Variants in PITPNC1 observed in about 807,000 individuals in gnomAD.
PITPNC1 encodes the protein phosphatidylinositol transfer protein cytoplasmic 1, also known as cytoplasmic phosphatidylinositol transfer protein 1.
In PITPNC1, 18 loss-of-function variants were observed where a neutral mutation model predicts 44.7. The ratio of observed to expected loss-of-function variants is 0.40; its 90% CI spans 0.28 to 0.60. PITPNC1 has a LOEUF of 0.60. Among genes scored for constraint, PITPNC1 ranks in the 20% least tolerant of loss-of-function variants. The pLI, the probability that PITPNC1 is intolerant of heterozygous loss-of-function variation, is 0.39. For missense variants in PITPNC1, 290 were observed against 418.4 expected (o/e 0.69, Z 2.68); for synonymous variants, 141 against 149.6 (o/e 0.94, Z 0.42).
rs867458398 is a variant in PITPNC1 at position 67,436,911 on chromosome 17, T to A, written c.48+58709T>A. 1.7e-5 allele frequency among the ~76,000 whole-genome samples: 2 copies of A among 115,642 alleles called. 1 individual carries two copies. The highest frequency in any genetic ancestry group is 1.7e-4 in the Admixed American group (2 of 12,056). 75.9% of individuals were successfully genotyped at this position (115,642 alleles called of 152,430 possible). On this transcript the variant is annotated intron_variant, in intron 1 of 8. Coordinates refer to ENST00000581322, the MANE Select transcript of PITPNC1 (RefSeq NM_012417.4). ...GATTGTATTTGAAAATAGGGGTGTT[T>A]TTTTTTTTTTTTTTTTTTTTTTTTT...
intron 5 of PITPNC1, among the ~76,000 whole-genome samples, chr17:67,583,629 C>A (rs183704900): frequency 6.7e-6 from 1 of 150,246 alleles, no homozygotes; most frequent in East Asian, 2.0e-4. Flanking sequence ...TTAGCCATCA[C>A]TGATGCTGCT....
chr17:67,647,463 G>GTTTTTTTTTTTTTTTTTTT (rs1567757487), intron 6 of PITPNC1, among the ~76,000 whole-genome samples: 7 of 90,598 alleles, frequency 7.7e-5, no homozygotes, highest in African/African-American at 3.5e-4. Flanking sequence ...GCTAATTTTG[G>GTTTTTTTTTTTTTTTTTTT]GTTTTTTTTT....
chr17:67,527,210 G>A lies in PITPNC1; in HGVS notation c.49-5592G>A, dbSNP rs75230287. ...CCCTCCCCTCTTTTTAAATCATCAC[G>A]AGGCCTAGATTTTTAAAGCATTTAA... On this transcript the variant is annotated intron_variant, in intron 1 of 8. Coordinates refer to ENST00000581322, the MANE Select transcript of PITPNC1 (RefSeq NM_012417.4). Among the ~76,000 whole-genome samples, 944 of 102,558 alleles carry A rather than the reference G, an allele frequency of 9.2e-3. 10 individuals carry two copies. The highest frequency in any genetic ancestry group is 0.027 in the African/African-American group (875 of 32,100). The allele number at this position is 102,558 out of a possible 152,430, so 67.3% of individuals were successfully genotyped here. A position where few individuals can be genotyped will look rare whatever the true frequency, so the allele number is the denominator to read the frequency against.
At position 67,600,597 on chromosome 17, in the gene PITPNC1, A is replaced by C. The variant is rs145905486; in HGVS notation, c.366+22340A>C. ...CTAGGCTAGATACAACTGAAGAGAT[A>C]ATTAGTGAATTGGAAGATATTAATA... On this transcript the variant is annotated intron_variant, in intron 5 of 8. Transcript: ENST00000581322. Among the ~76,000 whole-genome samples, 1,470 of 152,204 alleles carry C rather than the reference A, an allele frequency of 9.7e-3. 31 individuals are homozygous for C. The highest frequency in any genetic ancestry group is 0.033 in the African/African-American group (1,377 of 41,544).
intron 1 of PITPNC1, among the ~76,000 whole-genome samples, chr17:67,400,140 C>G (rs945652152): frequency 6.6e-6 from 1 of 152,200 alleles, no homozygotes; most frequent in Non-Finnish European, 1.5e-5. Flanking sequence ...GGGGGACCCT[C>G]TAGTGCCATA....
chr17:67,495,347 C>A (rs775961600), intron 1 of PITPNC1, among the ~76,000 whole-genome samples: 2 of 151,962 alleles, frequency 1.3e-5, no homozygotes, highest in Admixed American at 1.3e-4. Context: ...CATGAGCCAC[C>A]GCGCCCGGCC....
intron 1 of PITPNC1, among the ~76,000 whole-genome samples, chr17:67,511,409 T>C (rs778947594): frequency 3.3e-5 from 5 of 152,262 alleles, no homozygotes; most frequent in Non-Finnish European, 7.3e-5. Context: ...TTAATTTTAA[T>C]AGACGTTGCC....
intron 1 of PITPNC1, among the ~76,000 whole-genome samples, chr17:67,452,475 G>A (rs954534618): frequency 1.3e-5 from 2 of 150,338 alleles, no homozygotes; most frequent in South Asian, 2.1e-4. Flanking sequence ...ATGTGCTTTC[G>A]TTCCTCTTGG....
intron 2 of PITPNC1, among the ~76,000 whole-genome samples, chr17:67,534,198 CT>C (rs1300781656): frequency 6.6e-6 from 1 of 152,052 alleles, no homozygotes; most frequent in Non-Finnish European, 1.5e-5. Flanking sequence ...CCCGGCCTTT[CT>C]TGCTATTTTC....
At chr17:67,425,193 G>GCGCGCGCGCACACACACACACACACACA (rs1160522771) in intron 1 of PITPNC1, among the ~76,000 whole-genome samples, 1 of 52,118 alleles carries the variant, frequency 1.9e-5, no homozygotes. Flanking sequence ...TTGTGCGCGC[G>GCGCGCGCGCACACACACACACACACACA]CACGCACACG....
intron 1 of PITPNC1, among the ~76,000 whole-genome samples, chr17:67,433,319 A>G (rs1440363668): frequency 6.6e-6 from 1 of 152,182 alleles, no homozygotes; most frequent in Non-Finnish European, 1.5e-5. Context: ...GGGCTGCGGG[A>G]GCGAGCCTGG....
intron 5 of PITPNC1, among the ~76,000 whole-genome samples, chr17:67,631,751 T>G (rs1217816066): frequency 1.4e-5 from 2 of 147,022 alleles, no homozygotes; most frequent in Non-Finnish European, 3.0e-5. Flanking sequence ...ATATCCCTGC[T>G]TTTTGACTCA....
intron 2 of PITPNC1, among the ~76,000 whole-genome samples, chr17:67,548,376 A>T (rs2040713284): frequency 6.6e-6 from 1 of 152,206 alleles, no homozygotes; most frequent in South Asian, 2.1e-4. Flanking sequence ...GGATCACTTG[A>T]GGTCAAGAGT....
At chr17:67,453,373 G>A (rs2039211309) in intron 1 of PITPNC1, among the ~76,000 whole-genome samples, 1 of 152,136 alleles carries the variant, frequency 6.6e-6, no homozygotes, top group Non-Finnish European at 1.5e-5. Flanking sequence ...AATATAGACA[G>A]AGCAGGAGGA....
At chr17:67,405,617 T>A (rs2038385657) in intron 1 of PITPNC1, among the ~76,000 whole-genome samples, 1 of 151,888 alleles carries the variant, frequency 6.6e-6, no homozygotes, top group South Asian at 2.1e-4. Context: ...TTCTTTTTTT[T>A]TTTTTTGAGA....
At chr17:67,668,274 A>G (rs1303207789) in intron 6 of PITPNC1, among the ~76,000 whole-genome samples, 1 of 152,230 alleles carries the variant, frequency 6.6e-6, no homozygotes, top group Non-Finnish European at 1.5e-5. Flanking sequence ...TTAACATAGC[A>G]TCAGTGAGAG....
At chr17:67,642,836 T>G (rs2042105631) in intron 6 of PITPNC1, among the ~76,000 whole-genome samples, 1 of 151,920 alleles carries the variant, frequency 6.6e-6, no homozygotes, top group Non-Finnish European at 1.5e-5. Context: ...AGAGAAAGAG[T>G]TTTCATTTTT....
intron 4 of PITPNC1, among the ~76,000 whole-genome samples, chr17:67,553,920 A>G (rs776570807): frequency 6.6e-6 from 1 of 152,218 alleles, no homozygotes; most frequent in Non-Finnish European, 1.5e-5. Flanking sequence ...ATAATAAAAG[A>G]ACAGTTTCTA....
chr17:67,452,069 A>G (rs1346967405), intron 1 of PITPNC1, among the ~76,000 whole-genome samples: 2 of 151,662 alleles, frequency 1.3e-5, no homozygotes, highest in African/African-American at 4.8e-5. Context: ...CTAGAGTGCA[A>G]TCACAGTTCA....
Sources: allele counts gnomAD v4.1 joint callset (sites outside exome capture counted in the v4.1 genomes callset), GRCh38; gene constraint gnomAD v4.1.1; transcripts MANE v1.5; gene names NCBI Gene and HGNC (gene_info 2026-07-23, HGNC 2026-07-21).